The following KTN1 variants were observed in gnomAD, a reference collection of about 807,000 sequenced individuals.
KTN1 encodes kinectin.
Under a neutral mutation model 222.5 loss-of-function variants are expected in KTN1, and 130 were observed. The observed-to-expected ratio is 0.58, with a 90% confidence interval of 0.51 to 0.68. The LOEUF is 0.68. Ranked by LOEUF, KTN1 falls within the 30% of genes least tolerant of loss-of-function variation. The probability of loss-of-function intolerance (pLI) is 0.00; values close to 1 mark genes in which losing one functional copy is unlikely to be tolerated. For missense variants in KTN1, 1,508 were observed against 1,500.4 expected (o/e 1.01, Z -0.08); for synonymous variants, 512 against 496.3 (o/e 1.03, Z -0.42).
intron 15 of KTN1, 26 bp from the exon 16 acceptor site, chr14:55,640,907 T>C (rs752477341): frequency 1.6e-5 from 25 of 1,604,288 alleles, no homozygotes; most frequent in Admixed American, 3.4e-5. Context: ...TGAAGTGATA[T>C]CATTTTCTTC....
chr14:55,675,981 C>T, intron 41 of KTN1, 63 bp downstream of exon 41: 1 of 1,030,150 alleles, frequency 9.7e-7, no homozygotes. Flanking sequence ...CAATCTTAAG[C>T]AAACTTATGC....
In KTN1 at chr14:55,679,668, A is replaced by G; in HGVS notation, c.4052A>G (p.Glu1351Gly). ...AACCAACAGCTCACAAAGGAGAAAG[A>G]GCACTACCAGGTGTTAGGTAAGGAC... ...AVNQQLTKEKEHYQVLE is the reference protein window; with the variant it reads ...AVNQQLTKEKGHYQVLE Residue 1351 changes from glutamate to glycine, a missense_variant, in exon 43 of 44, where the codon GAG becomes GGG. Glu to Gly is a moderately conservative substitution (Grantham distance 98, BLOSUM62 -2). Coordinates refer to ENST00000395314, the MANE Select transcript of KTN1 (RefSeq NM_001079521.2). The G allele has an allele frequency of 6.2e-7, 1 of 1,613,946 alleles. No individual in the cohort carries two copies. The highest frequency in any genetic ancestry group is 8.5e-7 in the Non-Finnish European group (1 of 1,179,876).
chr14:55,657,123 C>G (rs2043566141), intron 29 of KTN1, among the ~76,000 whole-genome samples: 1 of 152,192 alleles, frequency 6.6e-6, no homozygotes, highest in African/African-American at 2.4e-5. Flanking sequence ...TTCTCCCTCT[C>G]ATGTAGGTTC....
intron 2 of KTN1, among the ~76,000 whole-genome samples, chr14:55,615,225 T>G (rs1167230980): frequency 6.6e-6 from 1 of 152,208 alleles, no homozygotes; most frequent in Non-Finnish European, 1.5e-5. Flanking sequence ...TTAACAACTT[T>G]TAAGTGTGTA....
intron 41 of KTN1, among the ~76,000 whole-genome samples, chr14:55,676,907 A>G (rs917594561): frequency 3.3e-5 from 5 of 152,086 alleles, no homozygotes; most frequent in Non-Finnish European, 7.4e-5. Context: ...TGCTTAATAC[A>G]CTGTTGTGGT....
intron 27 of KTN1, 142 bp downstream of exon 27, chr14:55,653,227 A>G: frequency 1.5e-6 from 1 of 672,932 alleles, no homozygotes; most frequent in Admixed American, 3.0e-5. Context: ...TGTTGTTTAA[A>G]TAAGTTAGCT....
chr14:55,666,121 T>C (rs1299629000), intron 33 of KTN1, among the ~76,000 whole-genome samples: 1 of 151,966 alleles, frequency 6.6e-6, no homozygotes, highest in Non-Finnish European at 1.5e-5. Flanking sequence ...ATTGAAAATA[T>C]CCTATTAAAA....
chr14:55,664,136 T>G, intron 33 of KTN1, 95 bp downstream of exon 33: 1 of 747,836 alleles, frequency 1.3e-6, no homozygotes, highest in Admixed American at 2.9e-5. Context: ...TACTGCAATT[T>G]AAATATAAAA....
Position 55,640,854 on chromosome 14 carries a change from A to G in KTN1, c.1984-79A>G, listed in dbSNP as rs1006870469. On this transcript the variant is annotated intron_variant, in intron 15 of 43. Coordinates refer to ENST00000395314, the MANE Select transcript of KTN1 (RefSeq NM_001079521.2). ...AAATATATGGAAATACAGCTTTTTA[A>G]TATGTAAAAATTAGTGAAAAAAATA... The G allele has an allele frequency of 1.3e-5, 14 of 1,116,838 alleles. No homozygotes were observed. In the African/African-American group the frequency reaches 1.9e-4, roughly 15 times the overall value. The allele number at this position is 1,116,838 out of a possible 1,614,324, so 69.2% of individuals were successfully genotyped here. A position where few individuals can be genotyped will look rare whatever the true frequency, so the allele number is the denominator to read the frequency against.
Position 55,670,804 on chromosome 14 carries a change from G to A in KTN1, c.3343G>A (p.Val1115Ile). 2 of 1,598,806 alleles carry A rather than the reference G, an allele frequency of 1.3e-6. No homozygotes were observed. Among genetic ancestry groups the A allele is most frequent in the South Asian group, 2.2e-5 (2 of 89,424 alleles). The change falls in exon 35 of 44, where the codon GTT becomes ATT. Residue 1115 changes from valine (V) to isoleucine (I), a missense_variant. Val to Ile is a conservative substitution (Grantham distance 29, BLOSUM62 3). Coordinates refer to ENST00000395314, the MANE Select transcript of KTN1 (RefSeq NM_001079521.2). ...CMAGTSGSEE[V>I]KVLEHKLKEA... ...GGCTGGAACTTCAGGGTCAGAGGAG[G>A]TTAAGGTTAGTTCAGCAAATGAACT... is the stretch of plus-strand genomic sequence containing the variant.
Position 55,618,027 on chromosome 14 carries a change from C to G in KTN1, c.725C>G (p.Ser242Ter). 6.2e-7 allele frequency: 1 copy of G among 1,612,414 alleles called. No individual in the cohort carries two copies. Among genetic ancestry groups the G allele is most frequent in the South Asian group, 1.1e-5 (1 of 90,992 alleles). The part of the protein sequence containing the change: ...TYIPLMDNAD[S>*]SPVVDKREVI... Reference sequence around the variant, plus strand: ...ATTCCTTTGATGGATAATGCTGACTCAAGTCCTGTGGTAGATAAGAGAGAG... The same window carrying G: ...ATTCCTTTGATGGATAATGCTGACTGAAGTCCTGTGGTAGATAAGAGAGAG... The change falls in exon 4 of 44, where the codon TCA becomes TGA. Residue 242 changes from serine to a stop codon, truncating the protein, a stop_gained. Transcript: ENST00000395314. LOFTEE classifies it high-confidence loss of function.
At chr14:55,635,444 T>C (rs144057985) in intron 9 of KTN1, among the ~76,000 whole-genome samples, 96 of 152,282 alleles carry the variant, frequency 6.3e-4, no homozygotes, top group African/African-American at 2.1e-3. Context: ...GAATAGGTAG[T>C]TTTTCCTTTG....
intron 24 of KTN1, 41 bp downstream of exon 24, chr14:55,650,678 G>T: frequency 6.9e-7 from 1 of 1,440,402 alleles, no homozygotes; most frequent in Non-Finnish European, 9.7e-7. Context: ...TTTATTAGTT[G>T]TGTTATTTAT....
chr14:55,590,566 C>T (rs1489606551), intron 1 of KTN1, among the ~76,000 whole-genome samples: 1 of 152,022 alleles, frequency 6.6e-6, no homozygotes, highest in Non-Finnish European at 1.5e-5. Context: ...TTTGCCAGAT[C>T]TAGTTGTATC....
chr14:55,661,656 T>G (rs764720887), intron 32 of KTN1, 44 bp downstream of exon 32: 1 of 1,008,538 alleles, frequency 9.9e-7, no homozygotes, highest in South Asian at 1.6e-5. Flanking sequence ...TTTTATTACT[T>G]TAACACTGAA....
intron 31 of KTN1, 128 bp from the exon 32 acceptor site, chr14:55,661,394 T>C (rs1193449813): frequency 8.7e-6 from 5 of 571,516 alleles, no homozygotes; most frequent in South Asian, 2.7e-5. Flanking sequence ...GTAGACTCTT[T>C]AATGTACTTT....
chr14:55,663,766 G>T, intron 32 of KTN1, 189 bp from the exon 33 acceptor site: 1 of 518,430 alleles, frequency 1.9e-6, no homozygotes, highest in Non-Finnish European at 3.4e-6. Context: ...ATGGAAAGTG[G>T]GCGTCTTTAT....
chr14:55,684,213 A>G lies in KTN1; in HGVS notation c.*110A>G. 2 of 833,094 alleles carry G rather than the reference A, an allele frequency of 2.4e-6. No homozygotes were observed. The highest frequency in any genetic ancestry group is 3.7e-6 in the Non-Finnish European group (2 of 536,914). 51.6% of individuals were successfully genotyped at this position (833,094 alleles called of 1,614,324 possible). A position where few individuals can be genotyped will look rare whatever the true frequency, so the allele number is the denominator to read the frequency against. The stretch of plus-strand genomic sequence containing the variant: ...CTTTCTACTTTGTCAGAAACACTGA[A>G]CAGAGTTTTGTCTTTTCTAATCCTT... On this transcript the variant is annotated 3_prime_UTR_variant, in exon 44 of 44. Coordinates refer to ENST00000395314, the MANE Select transcript of KTN1 (RefSeq NM_001079521.2).
chr14:55,649,597 A>G (rs944792418), intron 21 of KTN1, among the ~76,000 whole-genome samples, 179 bp from the exon 22 acceptor site: 2 of 152,188 alleles, frequency 1.3e-5, no homozygotes, highest in Admixed American at 6.5e-5. Flanking sequence ...AAAGCTACCT[A>G]TGTTCAAAAT....
Sources: gnomAD v4.1 joint callset for allele counts (sites outside exome capture counted in the v4.1 genomes callset) on GRCh38, gnomAD v4.1.1 for gene constraint, MANE v1.5 for transcripts, NCBI Gene and HGNC (gene_info 2026-07-23, HGNC 2026-07-21) for gene names.